The following DHCR7 variants were observed in gnomAD, a reference collection of about 807,000 sequenced individuals.
DHCR7 encodes the protein 7-dehydrocholesterol reductase.
A neutral mutation model predicts 43.3 loss-of-function variants in DHCR7; 40 were observed. That is an observed-to-expected ratio of 0.92 (90% CI 0.72 to 1.20). The LOEUF (loss-of-function observed/expected upper bound fraction) is 1.20, where lower values mean the gene tolerates loss of function less well. Ranked by LOEUF, DHCR7 falls within the 50% of genes most tolerant of loss-of-function variation. DHCR7 has a pLI of 0.00. For synonymous variants in DHCR7, 298 were observed against 271.4 expected, an observed-to-expected ratio of 1.10 and a Z score of -0.96; for missense variants, 608 against 644.6, an observed-to-expected ratio of 0.94 and a Z score of 0.62.
At chr11:71,431,414 C>T (rs1228680904), downstream of DHCR7, among the ~76,000 whole-genome samples, 1 of 152,170 alleles carries the variant, frequency 6.6e-6, no homozygotes, top group Admixed American at 6.5e-5. Flanking sequence ...TTGGCTGCCT[C>T]CTGTCGCTAT....
At chr11:71,431,467 G>A (rs556167730), downstream of DHCR7, among the ~76,000 whole-genome samples, 4 of 152,274 alleles carry the variant, frequency 2.6e-5, no homozygotes, top group African/African-American at 9.6e-5. Flanking sequence ...AAGAAGGGCT[G>A]ACTCCTGCTC....
In DHCR7 at chr11:71,435,534, G is replaced by A. The variant is rs145374203; in HGVS notation, c.1269C>T (p.Gly423=). The stretch of plus-strand genomic sequence containing the variant: ...AGAAGTAGGGCAGCAGGTGGCCGCC[G>A]CCACAGGCCAGGCAGTAGGCCAGGC... ...MGSLAYCLAC[G]GGHLLPYFYI... is the part of the protein sequence containing the mutation. Residue 423 remains glycine, a synonymous_variant, in exon 9 of 9, where the codon GGC becomes GGT. Transcript: ENST00000355527. 180 of 1,610,834 alleles carry A rather than the reference G, an allele frequency of 1.1e-4. 2 individuals are homozygous for A. The highest frequency in any genetic ancestry group is 5.3e-4 in the Admixed American group (32 of 59,994).
At chr11:71,437,661 C>G in intron 8 of DHCR7, 151 bp downstream of exon 8, 1 of 1,159,598 alleles carries the variant, frequency 8.6e-7, no homozygotes, top group Non-Finnish European at 1.2e-6. Context: ...CTGGCCCAAG[C>G]TGGCTGAGCT....
chr11:71,444,107 A>T lies in DHCR7; in HGVS notation c.207T>A (p.Thr69=), dbSNP rs1790334. The T allele has an allele frequency of 1.9e-6, 3 of 1,612,384 alleles. No individual in the cohort carries two copies. Residue 69 remains threonine (T), a synonymous_variant, in exon 4 of 9, where the codon ACT becomes ACA. Coordinates refer to ENST00000355527, the MANE Select transcript of DHCR7 (RefSeq NM_001360.3). ...MACDQYSCAL[T]GPVVDIVTGH... is the part of the protein sequence containing the mutation. Reference sequence around the variant, plus strand: ...CGGTGACGATGTCCACCACAGGGCCAGTCAGGGCGCAGCTGTACTGGTCAC... The same window carrying T: ...CGGTGACGATGTCCACCACAGGGCCTGTCAGGGCGCAGCTGTACTGGTCAC...
Position 71,446,443 on chromosome 11 carries a change from G to T in DHCR7, c.-7+1167C>A, listed in dbSNP as rs61310240. 3.9e-5 allele frequency among the ~76,000 whole-genome samples: 6 copies of T among 152,304 alleles called. No individual in the cohort carries two copies. The East Asian group carries it at 1.2e-3, about 29-fold the overall frequency. The stretch of plus-strand genomic sequence containing the variant: ...CTATTTATTGACTATTGTATGCACA[G>T]AAGGGAATTTGCAAAGTTAGGGGTA... On this transcript the variant is annotated intron_variant, in intron 2 of 8. Coordinates refer to ENST00000355527, the MANE Select transcript of DHCR7 (RefSeq NM_001360.3).
Position 71,438,862 on chromosome 11 carries a change from C to T in DHCR7, c.831+17G>A. On this transcript the variant is annotated intron_variant, in intron 7 of 8. Transcript: ENST00000355527. ...TGCCGGCATCGGCGTTTCACCCTCT[C>T]CAGCCATGACAGGCACCTGCAGGAC... is the stretch of plus-strand genomic sequence containing the variant. The T allele has an allele frequency of 1.2e-6, 2 of 1,613,248 alleles. No individual in the cohort carries two copies. Among genetic ancestry groups the T allele is most frequent in the East Asian group, 2.2e-5 (1 of 44,872 alleles).
intron 2 of DHCR7, among the ~76,000 whole-genome samples, chr11:71,445,260 C>T (rs1260758000): frequency 6.6e-6 from 1 of 152,380 alleles, no homozygotes; most frequent in East Asian, 1.9e-4. Context: ...TCCTGCCTCC[C>T]TCCTACACAC....
rs77202975 is a variant in DHCR7, at chr11:71,443,512, G to A, written c.321+481C>T. On this transcript the variant is annotated intron_variant, in intron 4 of 8. Transcript: ENST00000355527. The stretch of plus-strand genomic sequence containing the variant: ...CCCTCTGGACTGGGAGGCCAGTGGG[G>A]ACACCATGGAGCTGAGGACGTCCTG... Among the ~76,000 whole-genome samples, 282 of 152,312 alleles carry A rather than the reference G, an allele frequency of 1.9e-3. 1 individual carries two copies. Among genetic ancestry groups the A allele is most frequent in the African/African-American group, 6.4e-3 (268 of 41,566 alleles).
rs767031102 is a variant in DHCR7 at position 71,438,971 on chromosome 11, C to A, written c.739G>T (p.Ala247Ser). 1 of 1,614,074 alleles carries A rather than the reference C, an allele frequency of 6.2e-7. No individual in the cohort carries two copies. The highest frequency in any genetic ancestry group is 8.5e-7 in the Non-Finnish European group (1 of 1,180,052). Residue 247 changes from alanine to serine, a missense_variant, in exon 7 of 9, where the codon GCC becomes TCC. Transcript: ENST00000355527. ...AAGGACAGGTTGATGAGGGTCCAGG[C>A]GACGATCCCGGGGCGCCCATTGAAG... ...LFFNGRPGIV[A>S]WTLINLSFAA...
At position 71,435,040 on chromosome 11, in the gene DHCR7, C is replaced by A; in HGVS notation, c.*335G>T. 1 of 526,582 alleles carries A rather than the reference C, an allele frequency of 1.9e-6. No homozygotes were observed. The highest frequency in any genetic ancestry group is 1.5e-5 in the South Asian group (1 of 64,522). The allele number at this position is 526,582 out of a possible 1,614,324, so 32.6% of individuals were successfully genotyped here. A position where few individuals can be genotyped will look rare whatever the true frequency, so the allele number is the denominator to read the frequency against. On this transcript the variant is annotated 3_prime_UTR_variant, in exon 9 of 9. Coordinates refer to ENST00000355527, the MANE Select transcript of DHCR7 (RefSeq NM_001360.3). ...AAGACCTCCTGCTCACCAGTGTGGGCAGAGTGTAGCGTGGCCTGGGCTCCT... is the reference window on the plus strand; with the variant it reads ...AAGACCTCCTGCTCACCAGTGTGGGAAGAGTGTAGCGTGGCCTGGGCTCCT...
Position 71,435,695 on chromosome 11 carries a change from T to G in DHCR7, c.1108A>C (p.Ile370Leu), listed in dbSNP as rs1489954663. Reference protein sequence around the residue: ...LFRRTDGRCLIWGRKPKVIEC... With the variant: ...LFRRTDGRCLLWGRKPKVIEC... ...ATGACCTTGGGCTTCCTGCCCCAGA[T>G]GAGGCAGCGCCCATCCGTGCGGCGG... Residue 370 changes from isoleucine (I) to leucine (L), a missense_variant, in exon 9 of 9, where the codon ATC becomes CTC. Transcript: ENST00000355527. 1 of 1,613,222 alleles carries G rather than the reference T, an allele frequency of 6.2e-7. No individual in the cohort carries two copies. Among genetic ancestry groups the G allele is most frequent in the East Asian group, 2.2e-5 (1 of 44,876 alleles).
downstream of DHCR7, among the ~76,000 whole-genome samples, chr11:71,432,705 G>A (rs1790347): frequency 0.85 from 129,719 of 152,132 alleles, 56,337 homozygotes; most frequent in Non-Finnish European, 0.95. Context: ...TTGCCCCTTT[G>A]CCTCTCCTCC....
chr11:71,431,518 C>A (rs1591105311), downstream of DHCR7, among the ~76,000 whole-genome samples: 3 of 152,204 alleles, frequency 2.0e-5, no homozygotes, highest in Admixed American at 2.0e-4. Context: ...TGAAACCAAG[C>A]CCAGTCGGCC....
At chr11:71,446,788 A>T (rs1337100083) in intron 2 of DHCR7, among the ~76,000 whole-genome samples, 4 of 152,270 alleles carry the variant, frequency 2.6e-5, no homozygotes, top group Admixed American at 2.0e-4. Context: ...CAAGACGAAG[A>T]GTTCTTGATA....
In DHCR7 at chr11:71,445,369, G is replaced by C. The variant is rs188548347; in HGVS notation, c.-6-411C>G. 3.3e-5 allele frequency among the ~76,000 whole-genome samples: 5 copies of C among 152,316 alleles called. No homozygotes were observed. The East Asian group carries it at 7.7e-4, about 24-fold the overall frequency. On this transcript the variant is annotated intron_variant, in intron 2 of 8. Transcript: ENST00000355527. Reference sequence around the variant, plus strand: ...CTGTGGCACTGACTTCCTCTGCTTAGAGCACGTTTGCAGGTGTCCTTGTTC... The same window carrying C: ...CTGTGGCACTGACTTCCTCTGCTTACAGCACGTTTGCAGGTGTCCTTGTTC...
chr11:71,429,773 T>C (rs888433550), downstream of DHCR7, among the ~76,000 whole-genome samples: 1 of 152,256 alleles, frequency 6.6e-6, no homozygotes, highest in East Asian at 1.9e-4. Flanking sequence ...TTTAAAGCTG[T>C]GAGCCAGGTG....
At chr11:71,445,672 CA>C (rs1167885435) in intron 2 of DHCR7, among the ~76,000 whole-genome samples, 3 of 151,566 alleles carry the variant, frequency 2.0e-5, no homozygotes, top group Non-Finnish European at 2.9e-5. Context: ...AATCACCCTT[CA>C]AAAAAAAGGG....
chr11:71,445,078 T>C (rs974265179), intron 2 of DHCR7, 120 bp from the exon 3 acceptor site: 301 of 787,608 alleles, frequency 3.8e-4, no homozygotes, highest in Non-Finnish European at 5.8e-4. Flanking sequence ...ATCTTCCCGG[T>C]ACCTTGTTCC....
intron 4 of DHCR7, among the ~76,000 whole-genome samples, chr11:71,443,548 G>A (rs927423624): frequency 1.3e-5 from 2 of 152,168 alleles, no homozygotes; most frequent in African/African-American, 4.8e-5. Flanking sequence ...GACCTGCCTC[G>A]ACTGCCTGTG....
Sources: allele counts gnomAD v4.1 joint callset (sites outside exome capture counted in the v4.1 genomes callset), GRCh38; gene constraint gnomAD v4.1.1; transcripts MANE v1.5; gene names NCBI Gene and HGNC (gene_info 2026-07-23, HGNC 2026-07-21).